Variants in CHM observed in about 807,000 individuals in gnomAD.
The protein encoded by CHM is rab proteins geranylgeranyltransferase component A 1.
CHM carries 10 observed loss-of-function variants against 49.0 expected under a neutral mutation model. That is an observed-to-expected ratio of 0.20 (90% confidence interval 0.13 to 0.35). CHM has a LOEUF of 0.35. Among genes scored for constraint, CHM ranks in the 10% least tolerant of loss-of-function variants. The pLI, the probability that CHM is intolerant of heterozygous loss-of-function variation, is 1.00. For synonymous variants in CHM, 184 were observed against 167.5 expected (o/e 1.10, Z -0.76); for missense variants, 455 against 478.4 (o/e 0.95, Z 0.46).
chrX:85,999,130 T>C (rs1932583765), intron 2 of CHM, among the ~76,000 whole-genome samples: 1 of 111,327 alleles, frequency 9.0e-6, no homozygotes, highest in Non-Finnish European at 1.9e-5. Flanking sequence ...AGAAATCTAG[T>C]CCAGGGACTG....
At chrX:85,874,660 C>T (rs975475137) in intron 13 of CHM, among the ~76,000 whole-genome samples, 2 of 111,448 alleles carry the variant, frequency 1.8e-5, no homozygotes, top group African/African-American at 6.5e-5. Context: ...GATGAAGAAA[C>T]TGAGTGGAAG....
intron 12 of CHM, among the ~76,000 whole-genome samples, chrX:85,891,700 G>T (rs1054739202): frequency 1.8e-5 from 2 of 112,623 alleles, no homozygotes; most frequent in Non-Finnish European, 3.8e-5. Flanking sequence ...CTGTGGAAGG[G>T]AAATGTGGGG....
chrX:85,995,996 G>C (rs935311010), intron 2 of CHM, among the ~76,000 whole-genome samples: 14 of 112,094 alleles, frequency 1.2e-4, no homozygotes, highest in Admixed American at 3.8e-4. Flanking sequence ...TCTAAGTGAA[G>C]TTACGTTTAC....
At chrX:85,892,480 C>T (rs927390195) in intron 12 of CHM, among the ~76,000 whole-genome samples, 11 of 110,863 alleles carry the variant, frequency 9.9e-5, no homozygotes, top group African/African-American at 3.6e-4. Context: ...GGGGTTTCCG[C>T]TTTTGCTTCT....
intron 2 of CHM, among the ~76,000 whole-genome samples, chrX:86,001,703 A>G (rs1011796836): frequency 1.8e-5 from 2 of 110,720 alleles, no homozygotes; most frequent in Non-Finnish European, 3.8e-5. Flanking sequence ...ATGCACTCCC[A>G]TGATCCAAAC....
intron 8 of CHM, among the ~76,000 whole-genome samples, chrX:85,950,293 T>C (rs1247502755): frequency 1.9e-5 from 2 of 107,355 alleles, no homozygotes; most frequent in African/African-American, 6.8e-5. Context: ...AGTTTAAATA[T>C]TAGAGTTATC....
chrX:85,872,965 T>C (rs1924175952), intron 14 of CHM, 87 bp downstream of exon 14: 1 of 942,815 alleles, frequency 1.1e-6, no homozygotes, highest in Non-Finnish European at 1.5e-6. Flanking sequence ...GAGATGCTTT[T>C]CTAGACTTCT....
intron 2 of CHM, among the ~76,000 whole-genome samples, chrX:85,994,867 A>C (rs1257325466): frequency 8.9e-6 from 1 of 112,035 alleles, no homozygotes; most frequent in Non-Finnish European, 1.9e-5. Flanking sequence ...AAATTGCTCA[A>C]GGGGAGAAGA....
At chrX:85,975,807 A>G (rs1295651597) in intron 4 of CHM, among the ~76,000 whole-genome samples, 1 of 112,450 alleles carries the variant, frequency 8.9e-6, no homozygotes, top group African/African-American at 3.2e-5. Flanking sequence ...AAATACACAC[A>G]AACTCCATAT....
intron 2 of CHM, among the ~76,000 whole-genome samples, chrX:86,003,927 C>G (rs1278962904): frequency 1.8e-5 from 2 of 111,381 alleles, no homozygotes; most frequent in Non-Finnish European, 3.8e-5. Context: ...CAAAGATAAT[C>G]CTCAAGAAGA....
chrX:85,950,162 A>G (rs1929668195), intron 8 of CHM, among the ~76,000 whole-genome samples: 1 of 103,627 alleles, frequency 9.6e-6, no homozygotes, highest in Non-Finnish European at 2.0e-5. Flanking sequence ...GGGTCCCCAG[A>G]TTAAAATCAA....
chrX:85,942,007 A>G (rs1929135321), intron 8 of CHM, among the ~76,000 whole-genome samples: 1 of 111,656 alleles, frequency 9.0e-6, no homozygotes, highest in Non-Finnish European at 1.9e-5. Context: ...GGTATGTACT[A>G]TTATCCCACC....
chrX:85,988,087 A>G (rs192674991), intron 2 of CHM, among the ~76,000 whole-genome samples: 195 of 112,368 alleles, frequency 1.7e-3, no homozygotes, highest in Admixed American at 3.6e-3. Flanking sequence ...CCTTGATTGA[A>G]TATTGATGCA....
At chrX:85,917,310 G>A (rs1356835854) in intron 8 of CHM, among the ~76,000 whole-genome samples, 1 of 111,112 alleles carries the variant, frequency 9.0e-6, no homozygotes, top group Admixed American at 9.6e-5. Flanking sequence ...GAGGCTGGGA[G>A]GAGGGAGAGG....
At chrX:86,005,923 A>G (rs1324728157) in intron 2 of CHM, among the ~76,000 whole-genome samples, 1 of 111,930 alleles carries the variant, frequency 8.9e-6, no homozygotes, top group African/African-American at 3.3e-5. Flanking sequence ...TGAGGCCAAC[A>G]TCATCCTGAT....
At chrX:85,995,337 T>C (rs1486940937) in intron 2 of CHM, among the ~76,000 whole-genome samples, 1 of 105,079 alleles carries the variant, frequency 9.5e-6, no homozygotes, top group African/African-American at 3.5e-5. Flanking sequence ...GCAGCCACAC[T>C]TCAACTTTTT....
At chrX:85,955,866 G>A (rs1344222124) in intron 8 of CHM, among the ~76,000 whole-genome samples, 4 of 111,525 alleles carry the variant, frequency 3.6e-5, no homozygotes, top group African/African-American at 1.3e-4. Context: ...ATACTATATA[G>A]TAATAAAAAA....
chrX:85,880,732 G>A (rs963423980), intron 12 of CHM, among the ~76,000 whole-genome samples: 7 of 111,592 alleles, frequency 6.3e-5, no homozygotes, highest in Admixed American at 9.6e-5. Context: ...ATCATCTCAT[G>A]ATTAATGAGT....
intron 10 of CHM, 70 bp from the exon 11 acceptor site, chrX:85,900,779 C>A: frequency 1.4e-6 from 1 of 740,479 alleles, no homozygotes; most frequent in Middle Eastern, 2.9e-4. Context: ...GTTATATAAC[C>A]ACCAGAAGGC....
Sources: gnomAD v4.1 joint callset for allele counts (sites outside exome capture counted in the v4.1 genomes callset) on GRCh38, gnomAD v4.1.1 for gene constraint, MANE v1.5 for transcripts, NCBI Gene and HGNC (gene_info 2026-07-23, HGNC 2026-07-21) for gene names.